The following LUZP2 variants were observed in gnomAD, a reference collection of about 807,000 sequenced individuals.
LUZP2 encodes leucine zipper protein 2.
In LUZP2, 52 loss-of-function variants were observed where a neutral mutation model predicts 51.6. The ratio of observed to expected loss-of-function variants is 1.01; its 90% CI spans 0.81 to 1.27. The LOEUF is 1.27. Ranked by LOEUF, LUZP2 falls within the 50% of genes most tolerant of loss-of-function variation. The pLI, the probability that LUZP2 is intolerant of heterozygous loss-of-function variation, is 0.00. For missense variants in LUZP2, 436 were observed against 395.4 expected (o/e 1.10, Z -0.87); for synonymous variants, 154 against 137.3 (o/e 1.12, Z -0.85).
At chr11:24,756,872 C>T (rs570825688) in intron 4 of LUZP2, among the ~76,000 whole-genome samples, 1 of 152,190 alleles carries the variant, frequency 6.6e-6, no homozygotes, top group Non-Finnish European at 1.5e-5. Flanking sequence ...GCCTATAGAA[C>T]TTCTGACCCA....
intron 1 of LUZP2, among the ~76,000 whole-genome samples, chr11:24,631,198 T>G (rs909872248): frequency 6.6e-6 from 1 of 151,938 alleles, no homozygotes; most frequent in Admixed American, 6.6e-5. Flanking sequence ...CTTTCCTGAT[T>G]GTTGTGGCTA....
At chr11:24,847,430 T>A (rs773789832) in intron 5 of LUZP2, among the ~76,000 whole-genome samples, 2 of 152,150 alleles carry the variant, frequency 1.3e-5, no homozygotes, top group African/African-American at 4.8e-5. Flanking sequence ...GTAGTCCTCT[T>A]CATCTGAATC....
intron 1 of LUZP2, among the ~76,000 whole-genome samples, chr11:24,693,834 A>C: frequency 6.6e-6 from 1 of 152,032 alleles, no homozygotes; most frequent in East Asian, 1.9e-4. Flanking sequence ...CAGATGGAGA[A>C]GATATAACAA....
chr11:25,009,396 A>G (rs556848866), intron 9 of LUZP2, among the ~76,000 whole-genome samples: 2 of 152,318 alleles, frequency 1.3e-5, no homozygotes, highest in Non-Finnish European at 2.9e-5. Flanking sequence ...CATTGCATAT[A>G]TATATTGTGG....
intron 1 of LUZP2, among the ~76,000 whole-genome samples, chr11:24,520,386 G>T (rs1478467661): frequency 1.3e-5 from 2 of 152,172 alleles, no homozygotes; most frequent in Non-Finnish European, 2.9e-5. Context: ...GTTGCATTTG[G>T]ACACCATTTT....
chr11:24,892,977 C>A (rs933110329), intron 5 of LUZP2: 1 of 152,246 alleles, frequency 6.6e-6, no homozygotes, highest in East Asian at 1.9e-4. Flanking sequence ...AAATGTACAT[C>A]ACCTAACTTT....
At chr11:24,536,170 C>T (rs773327222) in intron 1 of LUZP2, among the ~76,000 whole-genome samples, 18 of 151,664 alleles carry the variant, frequency 1.2e-4, no homozygotes, top group East Asian at 5.9e-4. Context: ...TTTAACATGC[C>T]GGCAGAGTAG....
At chr11:24,963,054 G>A (rs1855464720) in intron 7 of LUZP2, among the ~76,000 whole-genome samples, 1 of 152,182 alleles carries the variant, frequency 6.6e-6, no homozygotes, top group South Asian at 2.1e-4. Flanking sequence ...CTGGGTATCA[G>A]CAGCGGTGTT....
chr11:24,834,584 A>G (rs1443679425), intron 5 of LUZP2, among the ~76,000 whole-genome samples: 2 of 152,216 alleles, frequency 1.3e-5, no homozygotes, highest in African/African-American at 4.8e-5. Context: ...TAGTAGAATG[A>G]TTTATAATCC....
chr11:24,789,569 A>G (rs1037176273), intron 5 of LUZP2, among the ~76,000 whole-genome samples: 3 of 152,192 alleles, frequency 2.0e-5, no homozygotes, highest in Non-Finnish European at 4.4e-5. Flanking sequence ...CACATCTACC[A>G]ATCTATCAGC....
intron 10 of LUZP2, among the ~76,000 whole-genome samples, chr11:25,050,380 C>A (rs936028458): frequency 7.3e-6 from 1 of 136,696 alleles, no homozygotes; most frequent in Non-Finnish European, 1.5e-5. Context: ...CGGCTCACTG[C>A]AAGCTCCGCC....
intron 9 of LUZP2, among the ~76,000 whole-genome samples, chr11:25,027,281 A>G (rs1187717012): frequency 6.6e-6 from 1 of 152,180 alleles, no homozygotes; most frequent in Non-Finnish European, 1.5e-5. Context: ...AGTGATATTT[A>G]TCTTCAAATC....
chr11:24,793,132 T>C (rs1313993515), intron 5 of LUZP2, among the ~76,000 whole-genome samples: 6 of 152,170 alleles, frequency 3.9e-5, no homozygotes, highest in Non-Finnish European at 8.8e-5. Flanking sequence ...CCCATATTCA[T>C]CTAATTTCCA....
intron 9 of LUZP2, among the ~76,000 whole-genome samples, chr11:24,987,425 T>G: frequency 6.6e-6 from 1 of 151,852 alleles, no homozygotes; most frequent in East Asian, 1.9e-4. Flanking sequence ...ACACCAGAAA[T>G]GAAAAGCAAT....
intron 9 of LUZP2, among the ~76,000 whole-genome samples, chr11:24,998,392 G>A (rs939903872): frequency 2.0e-5 from 3 of 152,082 alleles, no homozygotes; most frequent in Non-Finnish European, 2.9e-5. Flanking sequence ...ATTGTGAATG[G>A]GAGTTCACTC....
intron 1 of LUZP2, among the ~76,000 whole-genome samples, chr11:24,610,305 C>A (rs1035208125): frequency 6.6e-6 from 1 of 152,044 alleles, no homozygotes; most frequent in Non-Finnish European, 1.5e-5. Context: ...ACATCTAGGA[C>A]TGAAGAAAAC....
intron 1 of LUZP2, among the ~76,000 whole-genome samples, chr11:24,507,635 C>T (rs1004041881): frequency 1.3e-5 from 2 of 151,818 alleles, no homozygotes; most frequent in African/African-American, 4.8e-5. Flanking sequence ...ACTTTCTCTC[C>T]CTCCCTAGCT....
intron 5 of LUZP2, among the ~76,000 whole-genome samples, chr11:24,797,331 A>G (rs113145561): frequency 0.012 from 1,855 of 152,248 alleles, 30 homozygotes; most frequent in African/African-American, 0.036. Context: ...GAAAACCACA[A>G]TTGATGTGAT....
intron 4 of LUZP2, among the ~76,000 whole-genome samples, chr11:24,759,148 A>G (rs1374363810): frequency 6.6e-6 from 1 of 152,140 alleles, no homozygotes; most frequent in Non-Finnish European, 1.5e-5. Context: ...GATTTTAATG[A>G]TTATTGAATG....
Sources: gnomAD v4.1 joint callset for allele counts (sites outside exome capture counted in the v4.1 genomes callset) on GRCh38, gnomAD v4.1.1 for gene constraint, MANE v1.5 for transcripts, NCBI Gene and HGNC (gene_info 2026-07-23, HGNC 2026-07-21) for gene names.